VPS13C: variants seen among roughly 807,000 people sequenced by gnomAD.
VPS13C encodes intermembrane lipid transfer protein VPS13C.
In VPS13C, 358 loss-of-function variants were observed where a neutral mutation model predicts 456.8. That is an observed-to-expected ratio of 0.78 (90% CI 0.72 to 0.86). VPS13C has a LOEUF of 0.86. VPS13C is among the 40% of genes least tolerant of loss of function. The pLI is 0.00. For missense variants in VPS13C, 4,818 were observed against 4,385.4 expected, an observed-to-expected ratio of 1.10 and a Z score of -2.79; for synonymous variants, 1,578 against 1,486.7, an observed-to-expected ratio of 1.06 and a Z score of -1.41.
intron 24 of VPS13C, among the ~76,000 whole-genome samples, chr15:61,974,932 T>A (rs546143134): frequency 1.3e-5 from 2 of 152,150 alleles, no homozygotes; most frequent in African/African-American, 2.4e-5. Flanking sequence ...AGTTGCTTAC[T>A]TTTTGGCAGG....
chr15:61,918,432 A>G (rs1413406782), intron 58 of VPS13C, among the ~76,000 whole-genome samples, 175 bp from the exon 59 acceptor site: 1 of 152,060 alleles, frequency 6.6e-6, no homozygotes, highest in East Asian at 1.9e-4. Flanking sequence ...TATTAAATTT[A>G]ATGTTTAAGT....
At chr15:61,989,852 C>A (rs954940223) in intron 18 of VPS13C, among the ~76,000 whole-genome samples, 1 of 152,094 alleles carries the variant, frequency 6.6e-6, no homozygotes, top group Admixed American at 6.6e-5. Context: ...AAGTGTTTTC[C>A]ACATTGGAAA....
chr15:62,052,570 G>A (rs545828608), intron 1 of VPS13C, among the ~76,000 whole-genome samples: 1 of 151,222 alleles, frequency 6.6e-6, no homozygotes, highest in South Asian at 2.1e-4. Flanking sequence ...CTACTGTGGA[G>A]GCTGAGGCAG....
rs772029632 is a variant in VPS13C at position 62,023,416 on chromosome 15, C to T, written c.619G>A (p.Asp207Asn). Residue 207 changes from aspartate to asparagine, a missense_variant, in exon 8 of 85, where the codon GAT becomes AAT. Asp to Asn is a conservative substitution (Grantham distance 23, BLOSUM62 1). This residue lies in a region of VPS13C where 4,552 missense variants were observed against 4,130.6 expected (regional missense o/e 1.10). Coordinates refer to ENST00000644861, the MANE Select transcript of VPS13C (RefSeq NM_020821.3). ...AGTAAATAAAAATTACTTACATCAT[C>T]TTCATATTTAATGTGAATATCTGTG... ...KITDIHIKYEDDVTDPKRPLS... is the reference protein window; with the variant it reads ...KITDIHIKYENDVTDPKRPLS... 2 of 1,484,940 alleles carry T rather than the reference C, an allele frequency of 1.3e-6. No homozygotes were observed. The highest frequency in any genetic ancestry group is 1.8e-6 in the Non-Finnish European group (2 of 1,103,906). The allele number at this position is 1,484,940 out of a possible 1,614,324, so 92.0% of individuals were successfully genotyped here. A position where few individuals can be genotyped will look rare whatever the true frequency, so the allele number is the denominator to read the frequency against.
chr15:62,009,872 G>A (rs1381032892), intron 13 of VPS13C, among the ~76,000 whole-genome samples: 1 of 152,050 alleles, frequency 6.6e-6, no homozygotes, highest in Non-Finnish European at 1.5e-5. Flanking sequence ...TAAAAACTGA[G>A]GAGGGAAAAA....
intron 39 of VPS13C, among the ~76,000 whole-genome samples, chr15:61,951,427 A>C (rs1300513368): frequency 6.6e-6 from 1 of 152,122 alleles, no homozygotes; most frequent in East Asian, 1.9e-4. Context: ...CTTATTGCAG[A>C]AACTTAAAAG....
At position 61,917,487 on chromosome 15, in the gene VPS13C, G is replaced by C. The variant is rs1333715561; in HGVS notation, c.7909C>G (p.Leu2637Val). The C allele has an allele frequency of 2.5e-6, 4 of 1,613,942 alleles. No individual in the cohort carries two copies. Among genetic ancestry groups the C allele is most frequent in the Non-Finnish European group, 3.4e-6 (4 of 1,179,936 alleles). Residue 2637 changes from leucine to valine, a missense_variant, in exon 60 of 85, where the codon CTC becomes GTC. Leu to Val is a conservative substitution (Grantham distance 32, BLOSUM62 1). Coordinates refer to ENST00000644861, the MANE Select transcript of VPS13C (RefSeq NM_020821.3). Reference protein sequence around the residue: ...CPSVEVSFLPLIVNTVALPDE... With the variant: ...CPSVEVSFLPVIVNTVALPDE... ...GGCAGAGCAACTGTATTCACTATGA[G>C]AGGTAAGAAGCTGACTTCTACTGAT...
Position 61,941,963 on chromosome 15 carries a change from A to C in VPS13C, c.5253T>G (p.Ser1751Arg). 1 of 1,613,830 alleles carries C rather than the reference A, an allele frequency of 6.2e-7. No individual in the cohort carries two copies. Among genetic ancestry groups the C allele is most frequent in the Non-Finnish European group, 8.5e-7 (1 of 1,179,892 alleles). Residue 1751 changes from serine (S) to arginine (R), a missense_variant, in exon 46 of 85, where the codon AGT becomes AGG. Around this residue, in one of 3 missense-constraint regions of VPS13C, gnomAD observed 4,552 missense variants for 4,130.6 expected, o/e 1.10. Transcript: ENST00000644861. ...AATTAATATCCATCAAAAGGCGGAA[A>C]CTCTTTTGAGCCAAGTCTTTCATGC... ...ASSMKDLAQK[S>R]FRLLMDINLK...
intron 66 of VPS13C, among the ~76,000 whole-genome samples, chr15:61,898,329 C>T (rs1449483408): frequency 6.6e-6 from 1 of 151,944 alleles, no homozygotes; most frequent in Non-Finnish European, 1.5e-5. Context: ...AGAGTCAAGA[C>T]CCATCAGTGT....
At chr15:61,954,942 T>A (rs914346817) in intron 37 of VPS13C, among the ~76,000 whole-genome samples, 1 of 152,116 alleles carries the variant, frequency 6.6e-6, no homozygotes, top group African/African-American at 2.4e-5. Context: ...CAGGGAATGA[T>A]AACACATGAT....
intron 46 of VPS13C, 83 bp downstream of exon 46, chr15:61,941,680 A>T (rs1304088808): frequency 4.3e-6 from 6 of 1,405,152 alleles, no homozygotes; most frequent in Non-Finnish European, 4.8e-6. Context: ...ACCACAAATT[A>T]CTACAACATT....
At position 61,919,382 on chromosome 15, in the gene VPS13C, T is replaced by A; in HGVS notation, c.7545A>T (p.Val2515=). ...VARPGRRLYN[V]RNPNASHSDS... Reference sequence around the variant, plus strand: ...CAGAATGACTGGCATTGGGATTCCGTACATTATACAATCGCCGTCCAGGTC... The same window carrying A: ...CAGAATGACTGGCATTGGGATTCCGAACATTATACAATCGCCGTCCAGGTC... The change falls in exon 58 of 85, where the codon GTA becomes GTT. Residue 2515 remains valine, a synonymous_variant. Transcript: ENST00000644861. 1.2e-6 allele frequency: 2 copies of A among 1,604,398 alleles called. No homozygotes were observed. The highest frequency in any genetic ancestry group is 1.7e-6 in the Non-Finnish European group (2 of 1,175,924).
At chr15:61,976,044 A>T (rs2140364859) in intron 24 of VPS13C, among the ~76,000 whole-genome samples, 1 of 152,198 alleles carries the variant, frequency 6.6e-6, no homozygotes, top group South Asian at 2.1e-4. Context: ...TTTATACAAA[A>T]TTTTTAATAA....
At chr15:62,041,576 G>C (rs2048242215) in intron 2 of VPS13C, among the ~76,000 whole-genome samples, 1 of 152,140 alleles carries the variant, frequency 6.6e-6, no homozygotes, top group Admixed American at 6.5e-5. Flanking sequence ...CCAGCACTTT[G>C]GGAAGCCGAG....
chr15:62,037,279 TTA>T (rs1349147067), intron 3 of VPS13C, among the ~76,000 whole-genome samples: 10 of 48,602 alleles, frequency 2.1e-4, no homozygotes, highest in African/African-American at 8.9e-4. Context: ...ATATAATATA[TTA>T]TATATATTAT....
At chr15:61,959,242 G>A (rs950990827) in intron 36 of VPS13C, among the ~76,000 whole-genome samples, 1 of 151,994 alleles carries the variant, frequency 6.6e-6, no homozygotes, top group Admixed American at 6.6e-5. Flanking sequence ...CTACCAATAT[G>A]TATGTATAAT....
At chr15:61,902,628 GT>G (rs1415745137) in intron 66 of VPS13C, among the ~76,000 whole-genome samples, 1 of 151,748 alleles carries the variant, frequency 6.6e-6, no homozygotes, top group African/African-American at 2.4e-5. Flanking sequence ...CTAAAAAAGC[GT>G]TTGACAAAAT....
At chr15:61,920,379 T>G in intron 56 of VPS13C, 48 bp from the exon 57 acceptor site, 2 of 1,524,084 alleles carry the variant, frequency 1.3e-6, no homozygotes, top group Non-Finnish European at 1.8e-6. Flanking sequence ...AAACATACAT[T>G]CTTCCCAAAA....
intron 9 of VPS13C, among the ~76,000 whole-genome samples, chr15:62,016,993 G>A (rs1039180395): frequency 1.1e-4 from 17 of 151,996 alleles, no homozygotes; most frequent in African/African-American, 2.9e-4. Flanking sequence ...ATCTCATTGC[G>A]GTTTTGATTT....
Sources: gnomAD v4.1 joint callset for allele counts (sites outside exome capture counted in the v4.1 genomes callset) on GRCh38, gnomAD v4.1.1 for gene constraint, gnomAD v4.1.1 regional missense constraint, MANE v1.5 for transcripts, NCBI Gene and HGNC (gene_info 2026-07-23, HGNC 2026-07-21) for gene names.